Variants in MYT1L observed in about 807,000 individuals in gnomAD.
MYT1L encodes the protein myelin transcription factor 1 like.
MYT1L carries 12 observed loss-of-function variants against 126.7 expected under a neutral mutation model. That is an observed-to-expected ratio of 0.09 (90% CI 0.06 to 0.15). MYT1L has a LOEUF of 0.15. Among genes scored for constraint, MYT1L ranks in the 10% least tolerant of loss-of-function variants. MYT1L has a pLI of 1.00. For synonymous variants in MYT1L, 541 were observed against 604.2 expected (o/e 0.90, Z 1.53); for missense variants, 979 against 1,585.2 (o/e 0.62, Z 6.49).
Position 2,320,438 on chromosome 2 carries a change from G to T in MYT1L, c.-521+10529C>A, listed in dbSNP as rs549715711. ...CTAGCCATAGGAACACTACAATTAG[G>T]CATAAAATTTTATTTCTGTGAAATA... On this transcript the variant is annotated intron_variant, in intron 1 of 24. Coordinates refer to ENST00000647738, the MANE Select transcript of MYT1L (RefSeq NM_001303052.2). Among the ~76,000 whole-genome samples, 6 of 148,984 alleles carry T rather than the reference G, an allele frequency of 4.0e-5. No individual in the cohort carries two copies. The South Asian group carries it at 1.3e-3, about 32-fold the overall frequency.
intron 18 of MYT1L, among the ~76,000 whole-genome samples, chr2:1,884,709 G>A (rs1460940916): frequency 6.6e-6 from 1 of 152,204 alleles, no homozygotes; most frequent in African/African-American, 2.4e-5. Flanking sequence ...GATAGGTTTA[G>A]ACACATGTGT....
At chr2:2,300,174 A>T (rs1211025863) in intron 1 of MYT1L, among the ~76,000 whole-genome samples, 1 of 152,242 alleles carries the variant, frequency 6.6e-6, no homozygotes, top group East Asian at 1.9e-4. Flanking sequence ...AGTAAAACTG[A>T]TGTGTTCTAA....
chr2:2,181,175 T>A (rs1002725268), intron 2 of MYT1L, among the ~76,000 whole-genome samples: 4 of 151,916 alleles, frequency 2.6e-5, no homozygotes, highest in Non-Finnish European at 5.9e-5. Context: ...TGTGCACATG[T>A]ATCTGTACCT....
At chr2:2,152,468 C>T (rs189073346) in intron 3 of MYT1L, among the ~76,000 whole-genome samples, 379 of 152,320 alleles carry the variant, frequency 2.5e-3, no homozygotes, top group Non-Finnish European at 4.1e-3. Context: ...AGGTTCCAGA[C>T]CAGTTACGCT....
chr2:2,269,549 T>C (rs2095218789), intron 2 of MYT1L, among the ~76,000 whole-genome samples: 1 of 152,212 alleles, frequency 6.6e-6, no homozygotes, highest in Non-Finnish European at 1.5e-5. Flanking sequence ...ATCCTACTTC[T>C]GCCTTGCATT....
Position 1,974,072 on chromosome 2 carries a change from G to A in MYT1L, c.152+5093C>T, listed in dbSNP as rs77146977. Among the ~76,000 whole-genome samples the A allele has an allele frequency of 2.0e-3, 300 of 152,322 alleles. 14 individuals are homozygous for A. In the East Asian group the frequency reaches 0.05, roughly 26 times the overall value. ...CACCGGGACAGCTTCTGTCTTCCAT[G>A]TTTTAAATGCCTGGAGGCCACACCA... On this transcript the variant is annotated intron_variant, in intron 8 of 24. Transcript: ENST00000647738.
intron 4 of MYT1L, among the ~76,000 whole-genome samples, chr2:2,012,374 C>G (rs750101551): frequency 5.9e-5 from 9 of 152,160 alleles, no homozygotes; most frequent in African/African-American, 1.9e-4. Context: ...CACACGGCCA[C>G]GTCTAATGAT....
Position 2,217,133 on chromosome 2 carries a change from A to G in MYT1L, c.-420-44145T>C, listed in dbSNP as rs75352771. Among the ~76,000 whole-genome samples, 472 of 152,348 alleles carry G rather than the reference A, an allele frequency of 3.1e-3. 4 individuals carry two copies. The highest frequency in any genetic ancestry group is 0.03 in the East Asian group (153 of 5,180). On this transcript the variant is annotated intron_variant, in intron 2 of 24. Transcript: ENST00000647738. ...TAATACAAATTCTTTCAGAAAATTT[A>G]AAAGAAAGAAATACTTGTCAACTCA... is the stretch of plus-strand genomic sequence containing the variant.
intron 1 of MYT1L, among the ~76,000 whole-genome samples, chr2:2,307,622 C>CTT (rs2095875769): frequency 2.0e-5 from 3 of 151,958 alleles, no homozygotes; most frequent in African/African-American, 2.4e-5. Context: ...GTAAGTATGA[C>CTT]ACTCGTGATC....
intron 8 of MYT1L, among the ~76,000 whole-genome samples, chr2:1,978,240 C>T (rs951705808): frequency 3.3e-5 from 5 of 152,194 alleles, no homozygotes; most frequent in African/African-American, 4.8e-5. Flanking sequence ...CCCAGATGTG[C>T]GGCAGATGCA....
chr2:2,000,736 T>C (rs2062285814), intron 4 of MYT1L, among the ~76,000 whole-genome samples: 3 of 152,208 alleles, frequency 2.0e-5, no homozygotes, highest in African/African-American at 7.2e-5. Context: ...CCCAGGCATT[T>C]TTTTTCAGAA....
chr2:2,184,452 C>T (rs1049439504), intron 2 of MYT1L, among the ~76,000 whole-genome samples: 1 of 151,994 alleles, frequency 6.6e-6, no homozygotes, highest in South Asian at 2.1e-4. Flanking sequence ...AGGCAAAGGC[C>T]CATTTTAAAT....
intron 8 of MYT1L, among the ~76,000 whole-genome samples, chr2:1,967,508 C>T (rs548491695): frequency 6.6e-6 from 1 of 152,324 alleles, no homozygotes; most frequent in African/African-American, 2.4e-5. Context: ...ACATCCTCCC[C>T]CTTTCCTCCT....
At chr2:2,014,804 T>C (rs919954877) in intron 4 of MYT1L, among the ~76,000 whole-genome samples, 2 of 152,240 alleles carry the variant, frequency 1.3e-5, no homozygotes, top group African/African-American at 4.8e-5. Context: ...CAGGCAGGTT[T>C]CCGGGGAAGA....
intron 1 of MYT1L, among the ~76,000 whole-genome samples, chr2:2,316,431 C>A (rs1312713716): frequency 4.6e-5 from 7 of 152,204 alleles, no homozygotes; most frequent in Non-Finnish European, 1.0e-4. Context: ...TTAACCTGTG[C>A]ATACCCTAAA....
chr2:2,048,033 T>A (rs2150062996), intron 4 of MYT1L, among the ~76,000 whole-genome samples: 1 of 152,280 alleles, frequency 6.6e-6, no homozygotes, highest in African/African-American at 2.4e-5. Context: ...TGTCAGACCT[T>A]GGACTGTGAG....
intron 4 of MYT1L, among the ~76,000 whole-genome samples, chr2:2,021,378 G>C (rs1293280303): frequency 6.6e-6 from 1 of 152,150 alleles, no homozygotes; most frequent in African/African-American, 2.4e-5. Context: ...AGTGGCAGGA[G>C]GCTTTTAAAG....
intron 21 of MYT1L, among the ~76,000 whole-genome samples, chr2:1,821,578 C>A (rs1023595470): frequency 6.6e-6 from 1 of 152,188 alleles, no homozygotes; most frequent in Non-Finnish European, 1.5e-5. Flanking sequence ...GCTTCTTTTG[C>A]CCCCTGGTAA....
intron 2 of MYT1L, among the ~76,000 whole-genome samples, chr2:2,255,768 T>C (rs4473412): frequency 0.42 from 64,059 of 151,874 alleles, 14,244 homozygotes; most frequent in East Asian, 0.82. Flanking sequence ...CTGGCTGTTG[T>C]GAAACAAAGC....
Sources: gnomAD v4.1 joint callset for allele counts (sites outside exome capture counted in the v4.1 genomes callset) on GRCh38, gnomAD v4.1.1 for gene constraint, MANE v1.5 for transcripts, NCBI Gene and HGNC (gene_info 2026-07-23, HGNC 2026-07-21) for gene names.